Variants in MACROD1 observed in about 807,000 individuals in gnomAD.
MACROD1 encodes the protein mono-ADP ribosylhydrolase 1, also known as ADP-ribose glycohydrolase MACROD1.
A neutral mutation model predicts 41.4 loss-of-function variants in MACROD1; 31 were observed. The ratio of observed to expected loss-of-function variants is 0.75; its 90% confidence interval spans 0.56 to 1.01. The LOEUF (loss-of-function observed/expected upper bound fraction) is 1.01. Among genes scored for constraint, MACROD1 ranks in the 50% least tolerant of loss-of-function variants. The pLI is 0.00. For synonymous variants in MACROD1, 252 were observed against 203.4 expected, an observed-to-expected ratio of 1.24 and a Z score of -2.03; for missense variants, 473 against 460.0, an observed-to-expected ratio of 1.03 and a Z score of -0.26.
At chr11:64,160,575 C>T (rs920828180) in intron 1 of MACROD1, among the ~76,000 whole-genome samples, 1 of 152,052 alleles carries the variant, frequency 6.6e-6, no homozygotes, top group Non-Finnish European at 1.5e-5. Flanking sequence ...CTTTTGCAGG[C>T]GGAGGTGGGA....
chr11:64,070,361 T>C (rs1286694594), intron 3 of MACROD1, among the ~76,000 whole-genome samples: 3 of 152,130 alleles, frequency 2.0e-5, no homozygotes, highest in Non-Finnish European at 4.4e-5. Context: ...ATGATCCTCC[T>C]GGCCCTTCTG....
intron 3 of MACROD1, among the ~76,000 whole-genome samples, chr11:64,022,532 G>A (rs1026041454): frequency 5.9e-5 from 9 of 152,190 alleles, no homozygotes; most frequent in Non-Finnish European, 1.0e-4. Flanking sequence ...GCAGGCCAGC[G>A]GTGGGTATCC....
intron 3 of MACROD1, among the ~76,000 whole-genome samples, chr11:64,034,471 G>A (rs1374456019): frequency 2.0e-5 from 3 of 152,364 alleles, no homozygotes; most frequent in South Asian, 4.1e-4. Context: ...GGGAGTTAAG[G>A]GGAGGGAAAT....
chr11:64,020,325 T>C (rs1339904086), intron 3 of MACROD1, among the ~76,000 whole-genome samples: 1 of 152,124 alleles, frequency 6.6e-6, no homozygotes, highest in Non-Finnish European at 1.5e-5. Context: ...ACACGGAAAG[T>C]GATCCTCTCA....
intron 1 of MACROD1, among the ~76,000 whole-genome samples, chr11:64,152,671 C>T (rs1282261866): frequency 6.6e-6 from 1 of 152,218 alleles, no homozygotes; most frequent in Non-Finnish European, 1.5e-5. Context: ...AGCTCTGCCA[C>T]TTTCCAGCAG....
intron 3 of MACROD1, among the ~76,000 whole-genome samples, chr11:64,035,241 G>A (rs937677704): frequency 1.3e-5 from 2 of 152,120 alleles, no homozygotes; most frequent in African/African-American, 4.8e-5. Context: ...TAGGTGGGAG[G>A]GGTATTGCTG....
At chr11:64,132,186 G>A (rs909680267) in intron 3 of MACROD1, among the ~76,000 whole-genome samples, 8 of 152,072 alleles carry the variant, frequency 5.3e-5, no homozygotes, top group Non-Finnish European at 1.0e-4. Flanking sequence ...ACAGCCCCAC[G>A]TCCTCCAAGC....
chr11:64,079,080 C>T lies in MACROD1; in HGVS notation c.518-63799G>A, dbSNP rs567289921. Among the ~76,000 whole-genome samples the T allele has an allele frequency of 1.3e-4, 19 of 144,486 alleles. No homozygotes were observed. In the East Asian group the frequency reaches 3.3e-3, roughly 25 times the overall value. 94.8% of individuals were successfully genotyped at this position (144,486 alleles called of 152,430 possible). On this transcript the variant is annotated intron_variant, in intron 3 of 10. Coordinates refer to ENST00000255681, the MANE Select transcript of MACROD1 (RefSeq NM_014067.4). ...GGACAGACCGGGGGCGGTGGGGAGG[C>T]GCTGCTGTCTCCTGGCAAGAGATGG...
intron 3 of MACROD1, among the ~76,000 whole-genome samples, chr11:64,111,314 C>T (rs963965804): frequency 5.3e-5 from 8 of 152,236 alleles, no homozygotes; most frequent in African/African-American, 1.9e-4. Flanking sequence ...GGGGGTAATC[C>T]TCCAGCCAGA....
At chr11:64,030,695 C>T (rs149994679) in intron 3 of MACROD1, among the ~76,000 whole-genome samples, 1 of 152,244 alleles carries the variant, frequency 6.6e-6, no homozygotes, top group Non-Finnish European at 1.5e-5. Context: ...CAATCACCAA[C>T]GAGCTGAGTG....
At position 64,015,256 on chromosome 11, in the gene MACROD1, A is replaced by T; in HGVS notation, c.543T>A (p.Gly181=). The T allele has an allele frequency of 6.2e-7, 1 of 1,604,750 alleles. No homozygotes were observed. Among genetic ancestry groups the T allele is most frequent in the Non-Finnish European group, 8.5e-7 (1 of 1,175,804 alleles). ...CAAGACAGAAGGTCCACTCACCGCC[A>T]CCGCCTCCGAGCAGGGAGCTGTTGG... ...NAANSSLLGG[G]GVDGCIHRAA... Residue 181 remains glycine (G), a synonymous_variant, in exon 4 of 11, where the codon GGT becomes GGA. Coordinates refer to ENST00000255681, the MANE Select transcript of MACROD1 (RefSeq NM_014067.4).
At chr11:64,004,032 G>A (rs1354645054) in intron 4 of MACROD1, among the ~76,000 whole-genome samples, 1 of 152,214 alleles carries the variant, frequency 6.6e-6, no homozygotes, top group Non-Finnish European at 1.5e-5. Context: ...GGCTCTGCCT[G>A]CCCTCGCCTG....
chr11:64,049,575 G>C (rs966021332), intron 3 of MACROD1, among the ~76,000 whole-genome samples: 6 of 152,228 alleles, frequency 3.9e-5, no homozygotes, highest in African/African-American at 1.4e-4. Flanking sequence ...GGTTCTATTG[G>C]CTTCCTGTCC....
intron 3 of MACROD1, among the ~76,000 whole-genome samples, chr11:64,147,218 C>T (rs2134693624): frequency 6.6e-6 from 1 of 151,624 alleles, no homozygotes; most frequent in Middle Eastern, 3.4e-3. Flanking sequence ...GCATGCACCA[C>T]CACACCCTAC....
intron 3 of MACROD1, among the ~76,000 whole-genome samples, chr11:64,133,845 T>A (rs1023084764): frequency 6.6e-6 from 1 of 152,178 alleles, no homozygotes; most frequent in Admixed American, 6.5e-5. Flanking sequence ...AACGAATGAA[T>A]GACTGTTACA....
chr11:64,095,864 G>A (rs1287650374), intron 3 of MACROD1, among the ~76,000 whole-genome samples: 1 of 152,240 alleles, frequency 6.6e-6, no homozygotes, highest in Non-Finnish European at 1.5e-5. Context: ...AGGCTGAGGG[G>A]AGGGTCTGGG....
In MACROD1 at chr11:64,165,840, C is replaced by A; in HGVS notation, c.155G>T (p.Gly52Val). Residue 52 changes from glycine (G) to valine (V), a missense_variant, in exon 1 of 11, where the codon GGC becomes GTC. Gly to Val is a moderately radical substitution (Grantham distance 109). Coordinates refer to ENST00000255681, the MANE Select transcript of MACROD1 (RefSeq NM_014067.4). ...TCCCGCCGAGGTCCGCGCACGGCGG[C>A]CGAACACGCCCAGGAACGCCGGGGG... ...CGPPAFLGVF[G>V]RRARTSAGVG... 2 of 1,474,652 alleles carry A rather than the reference C, an allele frequency of 1.4e-6. No homozygotes were observed. Among genetic ancestry groups the A allele is most frequent in the South Asian group, 1.3e-5 (1 of 75,724 alleles). The allele number at this position is 1,474,652 out of a possible 1,614,324, so 91.3% of individuals were successfully genotyped here.
intron 3 of MACROD1, among the ~76,000 whole-genome samples, chr11:64,075,703 GCT>G (rs1944188048): frequency 6.6e-6 from 1 of 152,182 alleles, no homozygotes; most frequent in Non-Finnish European, 1.5e-5. Context: ...ATGGAGTTGC[GCT>G]CTTCTTGCCC....
chr11:64,116,295 G>A (rs1329382919), intron 3 of MACROD1: 1 of 1,604,058 alleles, frequency 6.2e-7, no homozygotes, highest in South Asian at 1.1e-5. Context: ...CACCGCCACT[G>A]CCACCACCAC....
Sources: gnomAD v4.1 joint callset for allele counts (sites outside exome capture counted in the v4.1 genomes callset) on GRCh38, gnomAD v4.1.1 for gene constraint, MANE v1.5 for transcripts, NCBI Gene and HGNC (gene_info 2026-07-23, HGNC 2026-07-21) for gene names.